Variants in DOCK11 observed in about 807,000 individuals in gnomAD.
The protein encoded by DOCK11 is dedicator of cytokinesis protein 11.
Under a neutral mutation model 169.1 loss-of-function variants are expected in DOCK11, and 70 were observed. The ratio of observed to expected loss-of-function variants is 0.41; its 90% CI spans 0.34 to 0.51. The LOEUF is 0.51. Among genes scored for constraint, DOCK11 ranks in the 20% least tolerant of loss-of-function variants. The pLI is 0.10. For missense variants in DOCK11, 1,166 were observed against 1,538.8 expected, an observed-to-expected ratio of 0.76 and a Z score of 4.05; for synonymous variants, 529 against 541.3, an observed-to-expected ratio of 0.98 and a Z score of 0.32.
At chrX:118,569,411 G>A (rs887830699) in intron 10 of DOCK11, 1 of 110,972 alleles carries the variant, frequency 9.0e-6, no homozygotes, top group Non-Finnish European at 1.9e-5. Context: ...TTTTTTAAGT[G>A]TAGTCAAGTA....
chrX:118,621,539 T>C (rs759841167), intron 31 of DOCK11, among the ~76,000 whole-genome samples: 3 of 112,103 alleles, frequency 2.7e-5, no homozygotes, highest in African/African-American at 9.7e-5. Context: ...CCCCACCCTT[T>C]CCAGCCAATT....
chrX:118,508,292 G>T (rs1196844622), intron 1 of DOCK11, among the ~76,000 whole-genome samples: 5 of 111,191 alleles, frequency 4.5e-5, no homozygotes, highest in Admixed American at 1.9e-4. Context: ...TTTCAAGTGG[G>T]TTAGTGCTGT....
At chrX:118,646,887 G>C (rs1420512902) in intron 40 of DOCK11, among the ~76,000 whole-genome samples, 1 of 111,342 alleles carries the variant, frequency 9.0e-6, no homozygotes, top group East Asian at 2.8e-4. Context: ...ATTTTTAAAA[G>C]ATGTCCCTCT....
In DOCK11 at chrX:118,593,206, C is replaced by G. The variant is rs1169019392; in HGVS notation, c.2140-8C>G. On this transcript the variant is annotated splice_polypyrimidine_tract_variant and splice_region_variant and intron_variant, in intron 19 of 52. Coordinates refer to ENST00000276202, the MANE Select transcript of DOCK11 (RefSeq NM_144658.4). ...GAAGTTCCATGTGTAATTTTGCTTT[C>G]ATTTCAGATTAAAATTGAGCTTCCC... 1 of 1,190,850 alleles carries G rather than the reference C, an allele frequency of 8.4e-7. No homozygotes were observed. The highest frequency in any genetic ancestry group is 1.1e-6 in the Non-Finnish European group (1 of 886,254).
intron 1 of DOCK11, among the ~76,000 whole-genome samples, chrX:118,532,031 C>T (rs1180251940): frequency 9.2e-6 from 1 of 108,722 alleles, no homozygotes. Flanking sequence ...GGGGGTTTGT[C>T]ATAGGGAAGG....
chrX:118,549,869 T>C (rs1299221130), intron 6 of DOCK11, among the ~76,000 whole-genome samples: 1 of 111,973 alleles, frequency 8.9e-6, no homozygotes, highest in Non-Finnish European at 1.9e-5. Context: ...GCCTGGCTAC[T>C]ACACAGCTTA....
Position 118,590,159 on chromosome X carries a change from A to G in DOCK11, c.2047-51A>G, listed in dbSNP as rs778878471. 2.8e-6 allele frequency: 3 copies of G among 1,063,493 alleles called. No homozygotes were observed. In the South Asian group the frequency reaches 5.8e-5, roughly 21 times the overall value. 87.6% of individuals were successfully genotyped at this position (1,063,493 alleles called of 1,213,427 possible). A position where few individuals can be genotyped will look rare whatever the true frequency, so the allele number is the denominator to read the frequency against. On this transcript the variant is annotated intron_variant, in intron 18 of 52. Coordinates refer to ENST00000276202, the MANE Select transcript of DOCK11 (RefSeq NM_144658.4). ...TAACTATATGTGGTTCCATGGCATC[A>G]CATTTACAGACCTGCATTTAGAGCG...
chrX:118,640,991 A>G (rs1272669150), intron 38 of DOCK11, among the ~76,000 whole-genome samples, 199 bp from the exon 39 acceptor site: 1 of 110,817 alleles, frequency 9.0e-6, no homozygotes, highest in Non-Finnish European at 1.9e-5. Flanking sequence ...GACAGGTTTC[A>G]TCATGCTAGC....
intron 30 of DOCK11, among the ~76,000 whole-genome samples, chrX:118,617,750 G>A (rs914486714): frequency 9.1e-6 from 1 of 110,202 alleles, no homozygotes; most frequent in Non-Finnish European, 1.9e-5. Context: ...GGGCATGGTG[G>A]TGCACGTCTA....
At chrX:118,625,744 A>C (rs2015086789) in intron 32 of DOCK11, among the ~76,000 whole-genome samples, 1 of 111,205 alleles carries the variant, frequency 9.0e-6, no homozygotes. Context: ...CTCCTTCAGC[A>C]CTTCTTGGTG....
At chrX:118,527,355 C>A (rs2011400780) in intron 1 of DOCK11, among the ~76,000 whole-genome samples, 1 of 112,231 alleles carries the variant, frequency 8.9e-6, no homozygotes, top group Non-Finnish European at 1.9e-5. Context: ...AATTTTTAAA[C>A]ACCTTGTGTG....
At chrX:118,610,203 A>C in intron 27 of DOCK11, 69 bp from the exon 28 acceptor site, 1 of 1,050,476 alleles carries the variant, frequency 9.5e-7, no homozygotes, top group Non-Finnish European at 1.3e-6. Context: ...AATGTGTTTG[A>C]AAGTAAAAAT....
chrX:118,503,590 C>A (rs1452926008), intron 1 of DOCK11, among the ~76,000 whole-genome samples: 1 of 111,038 alleles, frequency 9.0e-6, no homozygotes, highest in Non-Finnish European at 1.9e-5. Context: ...AGAAAATGAG[C>A]AACTTCTGTT....
At chrX:118,682,740 A>G (rs756203716) in intron 51 of DOCK11, among the ~76,000 whole-genome samples, 1 of 112,380 alleles carries the variant, frequency 8.9e-6, no homozygotes, top group South Asian at 3.7e-4. Context: ...TTCTTTTTGA[A>G]TGAATGACTC....
chrX:118,647,995 A>T (rs1202228446), intron 40 of DOCK11, among the ~76,000 whole-genome samples: 16 of 49,086 alleles, frequency 3.3e-4, no homozygotes, highest in African/African-American at 5.2e-4. Flanking sequence ...AATAATATAT[A>T]ATATATTATT....
chrX:118,554,151 T>C (rs2012597593), intron 6 of DOCK11, among the ~76,000 whole-genome samples: 1 of 111,592 alleles, frequency 9.0e-6, no homozygotes, highest in South Asian at 3.8e-4. Flanking sequence ...TACAGGTGCA[T>C]CCCACCACGC....
intron 38 of DOCK11, among the ~76,000 whole-genome samples, chrX:118,640,843 G>C (rs2015513500): frequency 8.9e-6 from 1 of 112,022 alleles, no homozygotes. Flanking sequence ...ACCCAGGTTG[G>C]AGTGCAGTGA....
chrX:118,639,476 G>A lies in DOCK11; in HGVS notation c.4043G>A (p.Arg1348Gln), dbSNP rs1316979472. ...AWLSKHFGIDRKSQTMPALRN... is the reference protein window; with the variant it reads ...AWLSKHFGIDQKSQTMPALRN... ...CTGTCAAAACACTTCGGAATAGACCGAAAATCGCAAACCATGCCTGCTCTT... is the reference window on the plus strand; with the variant it reads ...CTGTCAAAACACTTCGGAATAGACCAAAAATCGCAAACCATGCCTGCTCTT... Residue 1348 changes from arginine (R) to glutamine (Q), a missense_variant, in exon 38 of 53, where the codon CGA becomes CAA. Coordinates refer to ENST00000276202, the MANE Select transcript of DOCK11 (RefSeq NM_144658.4). 1.1e-5 allele frequency: 13 copies of A among 1,209,362 alleles called. No individual in the cohort carries two copies. Among genetic ancestry groups the A allele is most frequent in the East Asian group, 3.0e-5 (1 of 33,799 alleles).
Position 118,645,050 on chromosome X carries a change from C to T in DOCK11, c.4398+1456C>T, listed in dbSNP as rs193297403. Among the ~76,000 whole-genome samples, 12 of 111,955 alleles carry T rather than the reference C, an allele frequency of 1.1e-4. No homozygotes were observed. In the East Asian group the frequency reaches 1.1e-3, roughly 10 times the overall value. On this transcript the variant is annotated intron_variant, in intron 40 of 52. Transcript: ENST00000276202. ...ATGAGACATGTTGAAAAAGGATTTA[C>T]AGGATTTGATCATCAGTCCACTGAC...
Sources: allele counts gnomAD v4.1 joint callset (sites outside exome capture counted in the v4.1 genomes callset), GRCh38; gene constraint gnomAD v4.1.1; transcripts MANE v1.5; gene names NCBI Gene and HGNC (gene_info 2026-07-23, HGNC 2026-07-21).